Variants in ARMC8 observed in about 807,000 individuals in gnomAD.
The protein encoded by ARMC8 is armadillo repeat containing 8.
ARMC8 carries 20 observed loss-of-function variants against 99.3 expected under a neutral mutation model. The ratio of observed to expected loss-of-function variants is 0.20; its 90% CI spans 0.14 to 0.29. The LOEUF (loss-of-function observed/expected upper bound fraction) is 0.29. Among genes scored for constraint, ARMC8 ranks in the 10% least tolerant of loss-of-function variants. The probability of loss-of-function intolerance (pLI) is 1.00; values close to 1 mark genes in which losing one functional copy is unlikely to be tolerated. For synonymous variants in ARMC8, 263 were observed against 278.3 expected (o/e 0.95, Z 0.55); for missense variants, 569 against 809.5 (o/e 0.70, Z 3.60).
intron 15 of ARMC8, among the ~76,000 whole-genome samples, chr3:138,267,739 C>CT (rs535247498): frequency 2.0e-3 from 299 of 151,694 alleles, no homozygotes; most frequent in African/African-American, 6.8e-3. Flanking sequence ...AGTATGTATT[C>CT]TTTTTTTTAA....
intron 16 of ARMC8, among the ~76,000 whole-genome samples, chr3:138,271,798 C>CTTTCTTTTTTTTTTTTTT (rs1018824241): frequency 2.6e-4 from 35 of 136,134 alleles, no homozygotes; most frequent in African/African-American, 9.1e-4. Flanking sequence ...TTTTTTCTTT[C>CTTTCTTTTTTTTTTTTTT]TTTTTTTTTT....
intron 2 of ARMC8, among the ~76,000 whole-genome samples, chr3:138,211,923 TCTC>T (rs535281929): frequency 3.6e-4 from 54 of 151,452 alleles, no homozygotes; most frequent in African/African-American, 1.1e-3. Flanking sequence ...AAAAGATAAT[TCTC>T]CTCAAAGAAG....
intron 7 of ARMC8, among the ~76,000 whole-genome samples, chr3:138,236,075 G>A (rs1484209887): frequency 1.3e-5 from 2 of 151,924 alleles, no homozygotes; most frequent in Non-Finnish European, 2.9e-5. Context: ...CAAAGTGCTG[G>A]GATTACAGGC....
At chr3:138,213,234 A>T (rs1479261981) in intron 2 of ARMC8, among the ~76,000 whole-genome samples, 1 of 152,252 alleles carries the variant, frequency 6.6e-6, no homozygotes. Context: ...AGATCTACCC[A>T]TAAATATGGG....
intron 12 of ARMC8, among the ~76,000 whole-genome samples, chr3:138,262,742 T>C (rs2047880096): frequency 1.3e-5 from 2 of 152,164 alleles, no homozygotes; most frequent in South Asian, 4.1e-4. Flanking sequence ...TAAGATCTAT[T>C]GGTCTAGGTA....
At chr3:138,191,416 A>G (rs2043375204) in intron 1 of ARMC8, among the ~76,000 whole-genome samples, 1 of 152,262 alleles carries the variant, frequency 6.6e-6, no homozygotes, top group Admixed American at 6.5e-5. Context: ...TTGCAAAGAT[A>G]GTACAGACAG....
Position 138,263,779 on chromosome 3 carries a change from G to A in ARMC8, c.1175G>A (p.Gly392Asp), listed in dbSNP as rs1169339882. 3.7e-6 allele frequency: 6 copies of A among 1,613,852 alleles called. No individual in the cohort carries two copies. Among genetic ancestry groups the A allele is most frequent in the Non-Finnish European group, 5.1e-6 (6 of 1,179,882 alleles). Residue 392 changes from glycine (G) to aspartate (D), a missense_variant, in exon 13 of 22, where the codon GGC becomes GAC. Gly to Asp is a moderately conservative substitution (Grantham distance 94). This residue lies in a region of ARMC8 where 227 missense variants were observed against 417.9 expected (regional missense o/e 0.54). Coordinates refer to ENST00000469044, the MANE Select transcript of ARMC8 (RefSeq NM_001363941.2). ...AATATGATGGACCGAATTGTGACTG[G>A]CTTGTCTGAGTCTAGTGTCAAGGTG... ...TENMMDRIVT[G>D]LSESSVKVRL...
intron 12 of ARMC8, chr3:138,246,100 A>G (rs910816480): frequency 1.0e-6 from 1 of 985,260 alleles, no homozygotes; most frequent in African/African-American, 1.7e-5. Flanking sequence ...GATTCAGAGA[A>G]GTTCTTCAGG....
intron 16 of ARMC8, 87 bp from the exon 17 acceptor site, chr3:138,272,880 A>T (rs2048926836): frequency 3.6e-6 from 4 of 1,120,954 alleles, no homozygotes; most frequent in Non-Finnish European, 4.7e-6. Flanking sequence ...TCAAAAAAAT[A>T]AAAAAAAATT....
chr3:138,240,288 A>C (rs1559975298), intron 10 of ARMC8, among the ~76,000 whole-genome samples: 1 of 152,230 alleles, frequency 6.6e-6, no homozygotes, highest in Non-Finnish European at 1.5e-5. Context: ...TCACATTATC[A>C]TTGTTCAAAA....
chr3:138,287,642 C>G (rs770230940), intron 19 of ARMC8: 1 of 456,682 alleles, frequency 2.2e-6, no homozygotes, highest in Admixed American at 2.3e-5. Flanking sequence ...GGAGCCCAAA[C>G]TGGACATCTC....
chr3:138,234,969 ATG>A, intron 6 of ARMC8, 63 bp from the exon 7 acceptor site: 1 of 1,316,202 alleles, frequency 7.6e-7, no homozygotes, highest in East Asian at 2.3e-5. Context: ...ATTTAAGTAA[ATG>A]TGGTTTTATT....
chr3:138,223,869 A>G (rs2045537813), intron 5 of ARMC8, 136 bp downstream of exon 5: 3 of 708,472 alleles, frequency 4.2e-6, no homozygotes, highest in Non-Finnish European at 4.8e-6. Context: ...CACACCAGTA[A>G]TCCCAGTGCT....
intron 1 of ARMC8, among the ~76,000 whole-genome samples, chr3:138,199,621 G>A (rs2043936964): frequency 1.3e-5 from 2 of 152,224 alleles, no homozygotes; most frequent in Admixed American, 6.5e-5. Context: ...CAGTTAGGCA[G>A]TTGTATTTAA....
intron 2 of ARMC8, among the ~76,000 whole-genome samples, chr3:138,213,747 C>G (rs967060151): frequency 1.3e-5 from 2 of 152,176 alleles, no homozygotes; most frequent in East Asian, 1.9e-4. Context: ...AGAAGAAGAA[C>G]TCTTCATATG....
rs2045423461 is a variant in ARMC8 at position 138,221,940 on chromosome 3, C to T, written c.137C>T (p.Ala46Val). ...CCTTAATTCAGAGACATGAAAAATG[C>T]TGTAATTGGAAACAACAAGCAGAAA... ...VLQGVIDMKN[A>V]VIGNNKQKAN... Residue 46 changes from alanine (A) to valine (V), a missense_variant, in exon 3 of 22, where the codon GCT becomes GTT. Around this residue, in one of 2 missense-constraint regions of ARMC8, gnomAD observed 342 missense variants for 391.6 expected, o/e 0.87. Transcript: ENST00000469044. The T allele has an allele frequency of 6.2e-7, 1 of 1,612,918 alleles. No homozygotes were observed. Among genetic ancestry groups the T allele is most frequent in the Non-Finnish European group, 8.5e-7 (1 of 1,179,206 alleles).
intron 1 of ARMC8, among the ~76,000 whole-genome samples, chr3:138,194,867 G>A (rs1250959571): frequency 6.6e-6 from 1 of 152,008 alleles, no homozygotes; most frequent in African/African-American, 2.4e-5. Context: ...GGCCTCCCTA[G>A]GTTTTTAGTA....
chr3:138,263,565 C>T (rs537806877), intron 12 of ARMC8, 174 bp from the exon 13 acceptor site: 2 of 643,444 alleles, frequency 3.1e-6, no homozygotes, highest in Non-Finnish European at 2.8e-6. Flanking sequence ...GTGGGCTAGA[C>T]CTACCTTTCT....
intron 5 of ARMC8, among the ~76,000 whole-genome samples, chr3:138,226,979 A>C (rs2045730115): frequency 6.6e-6 from 1 of 152,214 alleles, no homozygotes; most frequent in Non-Finnish European, 1.5e-5. Flanking sequence ...ATTGGGGAAG[A>C]ACTAGTACAG....
Sources: allele counts gnomAD v4.1 joint callset (sites outside exome capture counted in the v4.1 genomes callset), GRCh38; gene constraint gnomAD v4.1.1; regional missense constraint gnomAD v4.1.1; transcripts MANE v1.5; gene names NCBI Gene and HGNC (gene_info 2026-07-23, HGNC 2026-07-21).